The following NRXN3 variants were observed in gnomAD, a reference collection of about 807,000 sequenced individuals.
The protein encoded by NRXN3 is neurexin 3, also known as neurexin III.
NRXN3 carries 32 observed loss-of-function variants against 137.6 expected under a neutral mutation model. The observed-to-expected ratio is 0.23, with a 90% CI of 0.18 to 0.31. The LOEUF is 0.31. Ranked by LOEUF, NRXN3 falls within the 10% of genes least tolerant of loss-of-function variation. NRXN3 has a pLI of 1.00. For synonymous variants in NRXN3, 798 were observed against 784.5 expected (o/e 1.02, Z -0.29); for missense variants, 1,574 against 2,062.5 (o/e 0.76, Z 4.59).
chr14:78,324,527 A>C (rs900015391), intron 4 of NRXN3, among the ~76,000 whole-genome samples: 1 of 152,116 alleles, frequency 6.6e-6, no homozygotes, highest in African/African-American at 2.4e-5. Context: ...TTCATTCTGA[A>C]GTATAAATAA....
At chr14:79,634,310 GGA>G (rs34105116) in intron 16 of NRXN3, among the ~76,000 whole-genome samples, 39,879 of 150,242 alleles carry the variant, frequency 0.27, 5,857 homozygotes, top group African/African-American at 0.4. Flanking sequence ...AGCAAATGAG[GGA>G]GAGAGAGAGA....
intron 4 of NRXN3, among the ~76,000 whole-genome samples, chr14:78,460,943 T>C (rs894148637): frequency 6.6e-6 from 1 of 152,220 alleles, no homozygotes; most frequent in African/African-American, 2.4e-5. Context: ...ATTTGTACCT[T>C]GTTTGTAACT....
chr14:79,073,124 T>C (rs929071657), intron 15 of NRXN3, among the ~76,000 whole-genome samples: 6 of 152,108 alleles, frequency 3.9e-5, no homozygotes, highest in Admixed American at 3.9e-4. Flanking sequence ...TGACCTCAGG[T>C]GATCCACTCG....
intron 15 of NRXN3, among the ~76,000 whole-genome samples, chr14:79,308,087 G>A (rs1366813354): frequency 1.3e-5 from 2 of 151,966 alleles, no homozygotes; most frequent in African/African-American, 2.4e-5. Context: ...CATGATTGAG[G>A]CTCATGCATC....
chr14:79,021,344 G>A (rs973450852), intron 15 of NRXN3, among the ~76,000 whole-genome samples: 9 of 152,122 alleles, frequency 5.9e-5, no homozygotes, highest in Non-Finnish European at 1.2e-4. Flanking sequence ...CTTCAGCCTG[G>A]TTTTGATATG....
chr14:79,325,535 A>G (rs2090725556), intron 15 of NRXN3, among the ~76,000 whole-genome samples: 1 of 152,216 alleles, frequency 6.6e-6, no homozygotes, highest in African/African-American at 2.4e-5. Flanking sequence ...AGACTTACAT[A>G]TTTAAGCAAC....
At chr14:79,202,577 A>T (rs949968502) in intron 15 of NRXN3, among the ~76,000 whole-genome samples, 1 of 152,068 alleles carries the variant, frequency 6.6e-6, no homozygotes, top group Non-Finnish European at 1.5e-5. Flanking sequence ...GTGTCACTGT[A>T]ATACCTTTGC....
chr14:78,832,990 G>A (rs928830196), intron 10 of NRXN3, among the ~76,000 whole-genome samples: 27 of 152,090 alleles, frequency 1.8e-4, no homozygotes, highest in Admixed American at 1.6e-3. Context: ...CATCTTTCCG[G>A]GGAAGACATA....
At chr14:78,380,435 C>T (rs1435007675) in intron 4 of NRXN3, among the ~76,000 whole-genome samples, 2 of 151,968 alleles carry the variant, frequency 1.3e-5, no homozygotes, top group Non-Finnish European at 2.9e-5. Context: ...GGAGATCATC[C>T]TGGATTATCT....
chr14:78,863,366 T>A (rs781499361), intron 10 of NRXN3, among the ~76,000 whole-genome samples: 3 of 152,164 alleles, frequency 2.0e-5, no homozygotes, highest in Non-Finnish European at 4.4e-5. Flanking sequence ...GAACGTGCTC[T>A]GCAACTCAGT....
At chr14:79,568,805 A>AT (rs1262246451) in intron 16 of NRXN3, among the ~76,000 whole-genome samples, 1 of 152,186 alleles carries the variant, frequency 6.6e-6, no homozygotes, top group Non-Finnish European at 1.5e-5. Flanking sequence ...TCTATTGTGC[A>AT]TAAGAATGCC....
chr14:79,777,891 G>C (rs965533205), intron 19 of NRXN3, among the ~76,000 whole-genome samples: 4 of 151,490 alleles, frequency 2.6e-5, no homozygotes, highest in Non-Finnish European at 4.4e-5. Context: ...CAGGAAACTT[G>C]TGGTTTAACT....
At chr14:79,854,141 G>C in intron 20 of NRXN3, 1 of 982,696 alleles carries the variant, frequency 1.0e-6, no homozygotes, top group Non-Finnish European at 1.2e-6. Context: ...AATTCTATTT[G>C]TCCAAGAGCA....
intron 4 of NRXN3, among the ~76,000 whole-genome samples, chr14:78,449,212 C>CATTT: frequency 6.6e-6 from 1 of 152,114 alleles, no homozygotes; most frequent in East Asian, 1.9e-4. Context: ...GGTGTTATCA[C>CATTT]ATTTATTTAT....
At chr14:78,504,314 A>G (rs572526842) in intron 4 of NRXN3, among the ~76,000 whole-genome samples, 1 of 152,314 alleles carries the variant, frequency 6.6e-6, no homozygotes, top group African/African-American at 2.4e-5. Flanking sequence ...ACTCTGACAA[A>G]ATCTTCAATT....
chr14:78,649,204 T>G (rs2097715383), intron 5 of NRXN3: 1 of 1,217,686 alleles, frequency 8.2e-7, no homozygotes, highest in Non-Finnish European at 1.1e-6. Flanking sequence ...GTTTTTAGTT[T>G]TTTTAATTAA....
At chr14:79,273,668 A>G (rs1358612036) in intron 15 of NRXN3, among the ~76,000 whole-genome samples, 1 of 152,240 alleles carries the variant, frequency 6.6e-6, no homozygotes, top group African/African-American at 2.4e-5. Flanking sequence ...AATAATTTTT[A>G]TTATTGATCA....
intron 1 of NRXN3, among the ~76,000 whole-genome samples, chr14:78,179,834 G>GTTTT (rs1325344906): frequency 2.3e-4 from 26 of 111,384 alleles, no homozygotes; most frequent in Non-Finnish European, 3.2e-4. Flanking sequence ...GTTTGTTTCT[G>GTTTT]TTTTTTTGTT....
intron 8 of NRXN3, among the ~76,000 whole-genome samples, chr14:78,751,506 C>T (rs1411885387): frequency 3.3e-5 from 5 of 152,098 alleles, no homozygotes; most frequent in Non-Finnish European, 5.9e-5. Context: ...TGTCTCCTAT[C>T]GCTCTGTTTG....
Sources: gnomAD v4.1 joint callset for allele counts (sites outside exome capture counted in the v4.1 genomes callset) on GRCh38, gnomAD v4.1.1 for gene constraint, MANE v1.5 for transcripts, NCBI Gene and HGNC (gene_info 2026-07-23, HGNC 2026-07-21) for gene names.